CABCOCO1: variants seen among roughly 807,000 people sequenced by gnomAD.
The protein encoded by CABCOCO1 is ciliary associated calcium binding coiled-coil 1.
A neutral mutation model predicts 35.7 loss-of-function variants in CABCOCO1; 28 were observed. That is an observed-to-expected ratio of 0.78 (90% CI 0.58 to 1.07). The LOEUF (loss-of-function observed/expected upper bound fraction) is 1.07. CABCOCO1 is among the 50% of genes least tolerant of loss of function. The pLI is 0.00. For missense variants in CABCOCO1, 326 were observed against 309.2 expected, an observed-to-expected ratio of 1.05 and a Z score of -0.41; for synonymous variants, 95 against 100.1, an observed-to-expected ratio of 0.95 and a Z score of 0.30.
intron 5 of CABCOCO1, among the ~76,000 whole-genome samples, chr10:61,757,167 A>T (rs779670843): frequency 1.3e-5 from 2 of 151,754 alleles, no homozygotes; most frequent in Non-Finnish European, 1.5e-5. Flanking sequence ...AGACGGTTTC[A>T]TTTAAACGTA....
At position 61,672,639 on chromosome 10, in the gene CABCOCO1, C is replaced by T; in HGVS notation, c.68C>T (p.Thr23Ile). ...CACATTGTGTTTTGGTAGAGAGACACTGAATTCCAGGAGCATGAAAAGATT... is the reference window on the plus strand; with the variant it reads ...CACATTGTGTTTTGGTAGAGAGACATTGAATTCCAGGAGCATGAAAAGATT... The part of the protein sequence containing the change: ...AGTTPESERD[T>I]EFQEHEKILS... Residue 23 changes from threonine to isoleucine, a missense_variant, in exon 2 of 8, where the codon ACT (threonine) becomes ATT (isoleucine). Transcript: ENST00000648843. The T allele has an allele frequency of 1.1e-6, 1 of 897,208 alleles. No homozygotes were observed. The highest frequency in any genetic ancestry group is 1.3e-6 in the Non-Finnish European group (1 of 749,656). The allele number at this position is 897,208 out of a possible 1,614,324, so 55.6% of individuals were successfully genotyped here.
chr10:61,706,202 A>G lies in CABCOCO1; in HGVS notation c.552+15581A>G, dbSNP rs1033721072. Among the ~76,000 whole-genome samples the G allele has an allele frequency of 1.1e-4, 16 of 152,172 alleles. 1 individual carries two copies. The highest frequency in any genetic ancestry group is 2.0e-4 in the Admixed American group (3 of 15,266). On this transcript the variant is annotated intron_variant, in intron 5 of 7. Coordinates refer to ENST00000648843, the MANE Select transcript of CABCOCO1 (RefSeq NM_001366906.2). ...AACCCCATGATGTTCTTTTTATGTA[A>G]TAAATACTGCTAACCAAATATATAT... is the stretch of plus-strand genomic sequence containing the variant.
rs77533769 is a variant in CABCOCO1, at chr10:61,763,898, A to C, written c.817-2041A>C. Among the ~76,000 whole-genome samples the C allele has an allele frequency of 5.1e-3, 778 of 152,078 alleles. 4 individuals carry two copies. Among genetic ancestry groups the C allele is most frequent in the African/African-American group, 0.017 (715 of 41,504 alleles). Reference sequence around the variant, plus strand: ...GAAACACGGCTAATGACAGCCTGTTATTGACTAGACGTGGAGCCTTTAGAT... The same window carrying C: ...GAAACACGGCTAATGACAGCCTGTTCTTGACTAGACGTGGAGCCTTTAGAT... On this transcript the variant is annotated intron_variant, in intron 7 of 7. Transcript: ENST00000648843.
At chr10:61,733,783 G>T (rs1401267516) in intron 5 of CABCOCO1, among the ~76,000 whole-genome samples, 1 of 151,924 alleles carries the variant, frequency 6.6e-6, no homozygotes, top group Non-Finnish European at 1.5e-5. Flanking sequence ...TATTTTAGTG[G>T]ATTTTACCTC....
chr10:61,750,943 C>T (rs753444784), intron 5 of CABCOCO1, among the ~76,000 whole-genome samples: 2 of 152,106 alleles, frequency 1.3e-5, no homozygotes, highest in Admixed American at 6.5e-5. Context: ...CACACAATGG[C>T]GAGAAATCAC....
chr10:61,752,576 A>G (rs1841811580), intron 5 of CABCOCO1, among the ~76,000 whole-genome samples: 1 of 152,210 alleles, frequency 6.6e-6, no homozygotes, highest in Admixed American at 6.5e-5. Flanking sequence ...AAAGTAAATG[A>G]CTGCATTTTC....
At chr10:61,726,503 T>C (rs1841152718) in intron 5 of CABCOCO1, among the ~76,000 whole-genome samples, 1 of 152,060 alleles carries the variant, frequency 6.6e-6, no homozygotes, top group Admixed American at 6.5e-5. Flanking sequence ...TTATTTACAA[T>C]GGGACGTGGA....
intron 3 of CABCOCO1, among the ~76,000 whole-genome samples, chr10:61,683,926 G>C (rs1440769966): frequency 6.6e-6 from 1 of 152,010 alleles, no homozygotes; most frequent in Non-Finnish European, 1.5e-5. Flanking sequence ...ATTTTTGTTT[G>C]ATAAGTATAA....
chr10:61,727,919 T>C (rs1252298426), intron 5 of CABCOCO1, among the ~76,000 whole-genome samples: 2 of 152,192 alleles, frequency 1.3e-5, no homozygotes, highest in African/African-American at 2.4e-5. Context: ...AGTATAATTA[T>C]GGAATATGTT....
intron 5 of CABCOCO1, among the ~76,000 whole-genome samples, chr10:61,696,524 G>GTC (rs560074907): frequency 3.6e-4 from 54 of 152,016 alleles, no homozygotes; most frequent in Admixed American, 2.6e-3. Context: ...TAGAGATAGG[G>GTC]TCTCATTCTG....
intron 5 of CABCOCO1, among the ~76,000 whole-genome samples, chr10:61,703,669 T>G (rs1057213152): frequency 2.6e-5 from 4 of 151,982 alleles, no homozygotes; most frequent in African/African-American, 9.7e-5. Context: ...ATATGTAATC[T>G]GACTTTAGCT....
chr10:61,728,460 G>A (rs7070977), intron 5 of CABCOCO1, among the ~76,000 whole-genome samples: 139,248 of 152,208 alleles, frequency 0.91, 63,752 homozygotes, highest in Middle Eastern at 0.95. Context: ...AAACATATCA[G>A]TCCTCATAAG....
intron 1 of CABCOCO1, among the ~76,000 whole-genome samples, chr10:61,666,961 T>C (rs1310477759): frequency 1.4e-5 from 2 of 140,958 alleles, no homozygotes; most frequent in Non-Finnish European, 3.1e-5. Context: ...TGTATAAATA[T>C]AATTATATAT....
In CABCOCO1 at chr10:61,766,140, T is replaced by A. The variant is rs1726066219; in HGVS notation, c.*127T>A. 3.6e-6 allele frequency: 3 copies of A among 840,084 alleles called. No individual in the cohort carries two copies. Among genetic ancestry groups the A allele is most frequent in the Non-Finnish European group, 5.4e-6 (3 of 555,958 alleles). The allele number at this position is 840,084 out of a possible 1,614,324, so 52.0% of individuals were successfully genotyped here. A position where few individuals can be genotyped will look rare whatever the true frequency, so the allele number is the denominator to read the frequency against. ...GAAAGGAAAACCAAGCCCCACTTTT[T>A]ATTTTCCTAAGTAATTAGAAAAGTA... On this transcript the variant is annotated 3_prime_UTR_variant, in exon 8 of 8. Transcript: ENST00000648843.
At chr10:61,707,193 G>A (rs529226837) in intron 5 of CABCOCO1, among the ~76,000 whole-genome samples, 2 of 152,092 alleles carry the variant, frequency 1.3e-5, no homozygotes, top group African/African-American at 4.8e-5. Context: ...GAACATGACC[G>A]AGCATTGACT....
chr10:61,745,450 G>A (rs182431504), intron 5 of CABCOCO1, among the ~76,000 whole-genome samples: 1 of 152,192 alleles, frequency 6.6e-6, no homozygotes, highest in Admixed American at 6.5e-5. Context: ...ATCCCTAACA[G>A]GTACATTGTT....
intron 5 of CABCOCO1, among the ~76,000 whole-genome samples, chr10:61,748,840 CT>C (rs1841720699): frequency 2.0e-5 from 3 of 152,160 alleles, no homozygotes. Context: ...CAATGCACCC[CT>C]GGGCCTCTGT....
chr10:61,703,227 G>GACACACAC (rs35152499), intron 5 of CABCOCO1, among the ~76,000 whole-genome samples: 309 of 141,572 alleles, frequency 2.2e-3, no homozygotes, highest in African/African-American at 6.0e-3. Context: ...CTTGTGAGGA[G>GACACACAC]ACACACACAC....
chr10:61,729,066 G>A (rs1841233483), intron 5 of CABCOCO1, among the ~76,000 whole-genome samples: 1 of 151,948 alleles, frequency 6.6e-6, no homozygotes, highest in Admixed American at 6.6e-5. Flanking sequence ...TAAACCATGT[G>A]GTGTTACACA....
Sources: allele counts gnomAD v4.1 joint callset (sites outside exome capture counted in the v4.1 genomes callset), GRCh38; gene constraint gnomAD v4.1.1; transcripts MANE v1.5; gene names NCBI Gene and HGNC (gene_info 2026-07-23, HGNC 2026-07-21).